The following FABP6 variants were observed in gnomAD, a reference collection of about 807,000 sequenced individuals.
FABP6 encodes fatty acid binding protein 6.
Under a neutral mutation model 14.9 loss-of-function variants are expected in FABP6, and 13 were observed. The observed-to-expected ratio is 0.87, with a 90% CI of 0.57 to 1.39. The LOEUF (loss-of-function observed/expected upper bound fraction) is 1.39. FABP6 is among the 40% of genes most tolerant of loss of function. The pLI is 0.00. For missense variants in FABP6, 161 were observed against 167.2 expected, an observed-to-expected ratio of 0.96 and a Z score of 0.20; for synonymous variants, 75 against 63.6, an observed-to-expected ratio of 1.18 and a Z score of -0.85.
chr5:160,188,449 T>TG (rs1759332299), intron 1 of FABP6, among the ~76,000 whole-genome samples: 3 of 128,676 alleles, frequency 2.3e-5, no homozygotes, highest in Admixed American at 7.8e-5. Flanking sequence ...GGGGAGGGAT[T>TG]GGGGGGCCCT....
chr5:160,193,034 C>A (rs542737841), intron 1 of FABP6, among the ~76,000 whole-genome samples: 13 of 152,326 alleles, frequency 8.5e-5, no homozygotes, highest in African/African-American at 3.1e-4. Flanking sequence ...TTGCTTAAGC[C>A]TGGGAGATTG....
Position 160,199,208 on chromosome 5 carries a change from C to A in FABP6, c.51+51C>A, listed in dbSNP as rs1386057848. On this transcript the variant is annotated intron_variant, in intron 2 of 6. Coordinates refer to the FABP6 transcript ENST00000393980. ...TCATTTGAGGCAAATGAAAGGATGACCCAGGTCACAGTGGGGAGAACACCT... is the reference window on the plus strand; with the variant it reads ...TCATTTGAGGCAAATGAAAGGATGAACCAGGTCACAGTGGGGAGAACACCT... The A allele has an allele frequency of 3.8e-6, 6 of 1,599,556 alleles. No individual in the cohort carries two copies. The African/African-American group carries it at 8.0e-5, about 21-fold the overall frequency.
intron 3 of FABP6, among the ~76,000 whole-genome samples, chr5:160,215,518 A>G (rs1180697377): frequency 1.4e-5 from 1 of 70,990 alleles, no homozygotes; most frequent in Non-Finnish European, 3.2e-5. Context: ...TGTCTCAGAG[A>G]AAAAAAAAAA....
chr5:160,218,142 C>T (rs1760055183), intron 3 of FABP6, among the ~76,000 whole-genome samples: 1 of 151,936 alleles, frequency 6.6e-6, no homozygotes, highest in Non-Finnish European at 1.5e-5. Context: ...CAAGTTCTTG[C>T]TGTGTTGCCC....
chr5:160,209,963 A>G (rs1223292766), intron 2 of FABP6, among the ~76,000 whole-genome samples: 1 of 152,228 alleles, frequency 6.6e-6, no homozygotes, highest in Non-Finnish European at 1.5e-5. Context: ...AAGAAGTGGG[A>G]AAAGGAGACA....
At chr5:160,226,218 GTTATGGGA>G (rs1314467570), upstream of FABP6, among the ~76,000 whole-genome samples, 2 of 151,964 alleles carry the variant, frequency 1.3e-5, no homozygotes, top group Admixed American at 6.6e-5. Context: ...TTGTATTAGG[GTTATGGGA>G]TTATAGGGAT....
chr5:160,238,515 C>A, intron 3 of FABP6, 91 bp from the exon 4 acceptor site: 1 of 1,094,022 alleles, frequency 9.1e-7, no homozygotes, highest in Non-Finnish European at 1.4e-6. Context: ...CTACTCAAGG[C>A]CGGGGTTGGA....
chr5:160,223,353 CCT>C, intron 3 of FABP6, among the ~76,000 whole-genome samples: 2 of 92,730 alleles, frequency 2.2e-5, no homozygotes, highest in Non-Finnish European at 4.1e-5. Flanking sequence ...TTCCTTCCTT[CCT>C]TCCTTCTTTC....
At chr5:160,208,803 G>A (rs1292148921) in intron 2 of FABP6, among the ~76,000 whole-genome samples, 1 of 146,462 alleles carries the variant, frequency 6.8e-6, no homozygotes, top group Non-Finnish European at 1.5e-5. Context: ...TTTGTAGGGA[G>A]TCTCACTCTG....
At chr5:160,223,504 C>T (rs954178569) in intron 3 of FABP6, among the ~76,000 whole-genome samples, 2 of 151,726 alleles carry the variant, frequency 1.3e-5, no homozygotes, top group Non-Finnish European at 2.9e-5. Context: ...CTCATGCAGC[C>T]TCTGCCTCCT....
At chr5:160,233,126 C>A (rs1043536421) in intron 2 of FABP6, among the ~76,000 whole-genome samples, 3 of 151,226 alleles carry the variant, frequency 2.0e-5, no homozygotes, top group Non-Finnish European at 4.4e-5. Flanking sequence ...GGATTACAGG[C>A]GTGCACCACC....
chr5:160,211,673 G>T (rs1759893486), intron 2 of FABP6, among the ~76,000 whole-genome samples: 1 of 152,180 alleles, frequency 6.6e-6, no homozygotes, highest in Admixed American at 6.5e-5. Flanking sequence ...GGTGCTATGT[G>T]CTATCTGGAG....
Position 160,229,605 on chromosome 5 carries a change from T to C in FABP6, c.48T>C (p.Asp16=). Residue 16 remains aspartate, a synonymous_variant, in exon 1 of 4, where the codon GAT becomes GAC. Coordinates refer to ENST00000402432, the MANE Select transcript of FABP6 (RefSeq NM_001445.3). The part of the protein sequence containing the change: ...KFEMESEKNY[D]EFMKLLGISS... ...AGATGGAGAGTGAGAAGAATTATGA[T>C]GAGTTCATGAAGCTCCTTGGTGAGT... 1 of 1,613,994 alleles carries C rather than the reference T, an allele frequency of 6.2e-7. No homozygotes were observed. Among genetic ancestry groups the C allele is most frequent in the Non-Finnish European group, 8.5e-7 (1 of 1,179,938 alleles).
Position 160,192,149 on chromosome 5 carries a change from C to T in FABP6, c.-59+4695C>T, listed in dbSNP as rs1759406984. Among the ~76,000 whole-genome samples the T allele has an allele frequency of 1.3e-5, 2 of 152,046 alleles. 1 individual carries two copies. The highest frequency in any genetic ancestry group is 4.1e-4 in the South Asian group (2 of 4,826). ...ACAAGGGTAAAGGCCCCAATGTCAC[C>T]TACCCAGCCAGCCTTCCCTGGCAAT... On this transcript the variant is annotated intron_variant, in intron 1 of 6. Coordinates refer to the FABP6 transcript ENST00000393980.
chr5:160,196,058 G>A (rs115870535), intron 1 of FABP6: 4,092 of 152,662 alleles, frequency 0.027, 174 homozygotes, highest in African/African-American at 0.092. Flanking sequence ...AGATGCCCAA[G>A]TGCAGGGCAG....
At chr5:160,192,030 T>G (rs142232682) in intron 1 of FABP6, among the ~76,000 whole-genome samples, 155 of 152,120 alleles carry the variant, frequency 1.0e-3, no homozygotes, top group African/African-American at 3.6e-3. Context: ...TTCTCCCGCC[T>G]TGACCTCTTA....
intron 2 of FABP6, among the ~76,000 whole-genome samples, chr5:160,234,071 A>G (rs1202753870): frequency 6.6e-6 from 1 of 152,170 alleles, no homozygotes; most frequent in Non-Finnish European, 1.5e-5. Context: ...AGGGTAAAGC[A>G]AAAAAGGAGA....
intron 2 of FABP6, among the ~76,000 whole-genome samples, chr5:160,212,599 G>A (rs986815248): frequency 6.6e-6 from 1 of 152,018 alleles, no homozygotes; most frequent in Non-Finnish European, 1.5e-5. Flanking sequence ...CTCCTGAGTA[G>A]ATGGGACTAC....
At chr5:160,196,466 C>G (rs1375386877) in intron 1 of FABP6, 1 of 152,258 alleles carries the variant, frequency 6.6e-6, no homozygotes, top group Admixed American at 6.5e-5. Context: ...ATACGAGCCT[C>G]AGGTCTTGTA....
Sources: gnomAD v4.1 joint callset for allele counts (sites outside exome capture counted in the v4.1 genomes callset) on GRCh38, gnomAD v4.1.1 for gene constraint, MANE v1.5 for transcripts, NCBI Gene and HGNC (gene_info 2026-07-23, HGNC 2026-07-21) for gene names.